Variants in FGD2 observed in about 807,000 individuals in gnomAD.
The protein encoded by FGD2 is FYVE, RhoGEF and PH domain containing 2.
Under a neutral mutation model 75.9 loss-of-function variants are expected in FGD2, and 52 were observed. The ratio of observed to expected loss-of-function variants is 0.69; its 90% CI spans 0.55 to 0.86. The LOEUF (loss-of-function observed/expected upper bound fraction) is 0.86, where lower values mean the gene tolerates loss of function less well. Among genes scored for constraint, FGD2 ranks in the 40% least tolerant of loss-of-function variants. The pLI, the probability that FGD2 is intolerant of heterozygous loss-of-function variation, is 0.00. For synonymous variants in FGD2, 347 were observed against 348.6 expected (o/e 1.00, Z 0.05); for missense variants, 790 against 872.0 (o/e 0.91, Z 1.18).
chr6:37,007,349 G>A lies in FGD2; in HGVS notation c.68+1464G>A, dbSNP rs554309209. Among the ~76,000 whole-genome samples the A allele has an allele frequency of 8.5e-5, 13 of 152,204 alleles. No individual in the cohort carries two copies. In the East Asian group the frequency reaches 1.7e-3, roughly 20 times the overall value. On this transcript the variant is annotated intron_variant, in intron 1 of 15. Transcript: ENST00000274963. ...TGGGTGATTCTCCCCTGCCTCTCCC[G>A]GGATCTTTGCCAAGCTCGTCCTGTT...
At chr6:37,012,298 A>G (rs1490429433) in intron 4 of FGD2, among the ~76,000 whole-genome samples, 7 of 152,260 alleles carry the variant, frequency 4.6e-5, no homozygotes, top group Non-Finnish European at 1.0e-4. Context: ...TGCCTTATAT[A>G]GTTTGCCACG....
At chr6:37,016,339 G>T (rs778953527) in intron 9 of FGD2, among the ~76,000 whole-genome samples, 3 of 152,114 alleles carry the variant, frequency 2.0e-5, no homozygotes, top group Non-Finnish European at 4.4e-5. Context: ...TGCTGATACT[G>T]TAGGAGCACA....
At chr6:37,015,624 C>A in intron 8 of FGD2, 144 bp from the exon 9 acceptor site, 1 of 725,892 alleles carries the variant, frequency 1.4e-6, no homozygotes, top group South Asian at 1.6e-5. Context: ...CCTGTGATGT[C>A]CTGTGAGCAG....
At chr6:37,027,719 C>T in intron 15 of FGD2, 144 bp downstream of exon 15, 1 of 1,197,242 alleles carries the variant, frequency 8.4e-7, no homozygotes, top group Non-Finnish European at 1.2e-6. Context: ...CCTGGAGTCT[C>T]AAGGTTGGTA....
rs748384279 is a variant in FGD2 at position 37,028,145 on chromosome 6, T to G, written c.1950T>G (p.Asp650Glu). The change falls in exon 16 of 16, where the codon GAT becomes GAG. Residue 650 changes from aspartate to glutamate, a missense_variant. Coordinates refer to ENST00000274963, the MANE Select transcript of FGD2 (RefSeq NM_173558.4). ...GCTGGAGCCCCAGCTGGCCCAACGA[T>G]GGGGACCTGTCCGACTGAGCCACTG... is the stretch of plus-strand genomic sequence containing the variant. ...ASGWSPSWPNDGDLSD is the reference protein window; with the variant it reads ...ASGWSPSWPNEGDLSD 1.3e-6 allele frequency: 2 copies of G among 1,598,428 alleles called. No individual in the cohort carries two copies. Among genetic ancestry groups the G allele is most frequent in the Non-Finnish European group, 1.7e-6 (2 of 1,172,726 alleles).
At position 37,028,980 on chromosome 6, in the gene FGD2, A is replaced by G. The variant is rs1005287054; in HGVS notation, c.*817A>G. Reference sequence around the variant, plus strand: ...GGGTTACCTGGGATGAAGAATAAAGAGAGCAAACTACCACAACCAATGGTT... The same window carrying G: ...GGGTTACCTGGGATGAAGAATAAAGGGAGCAAACTACCACAACCAATGGTT... On this transcript the variant is annotated 3_prime_UTR_variant, in exon 16 of 16. Coordinates refer to ENST00000274963, the MANE Select transcript of FGD2 (RefSeq NM_173558.4). 6 of 151,980 alleles carry G rather than the reference A, an allele frequency of 3.9e-5. No homozygotes were observed. Among genetic ancestry groups the G allele is most frequent in the African/African-American group, 1.5e-4 (6 of 41,364 alleles). The allele number at this position is 151,980 out of a possible 1,614,324, so 9.4% of individuals were successfully genotyped here. A position where few individuals can be genotyped will look rare whatever the true frequency, so the allele number is the denominator to read the frequency against.
chr6:37,011,666 C>T, intron 3 of FGD2, 40 bp from the exon 4 acceptor site: 1 of 1,612,690 alleles, frequency 6.2e-7, no homozygotes, highest in South Asian at 1.1e-5. Flanking sequence ...GTGGGTGGCT[C>T]CCTGTCACTG....
chr6:37,016,684 C>T (rs1765316881), intron 9 of FGD2, among the ~76,000 whole-genome samples: 1 of 152,004 alleles, frequency 6.6e-6, no homozygotes, highest in Non-Finnish European at 1.5e-5. Context: ...TAGGCGCGAG[C>T]CCCCATGCCC....
At chr6:37,015,890 C>G in intron 9 of FGD2, 30 bp downstream of exon 9, 1 of 1,545,870 alleles carries the variant, frequency 6.5e-7, no homozygotes, top group Non-Finnish European at 8.8e-7. Context: ...CCACTGGGCT[C>G]CACCTCAAGG....
chr6:37,015,060 C>T (rs1561932450), intron 8 of FGD2, 22 bp downstream of exon 8: 1 of 1,606,008 alleles, frequency 6.2e-7, no homozygotes, highest in Non-Finnish European at 8.5e-7. Flanking sequence ...CTGGGAGCTC[C>T]TCTCCACACT....
At position 37,027,460 on chromosome 6, in the gene FGD2, T is replaced by G. The variant is rs760260697; in HGVS notation, c.1637T>G (p.Leu546Arg). The change falls in exon 15 of 16, where the codon CTG (leucine) becomes CGG (arginine). Residue 546 changes from leucine (L) to arginine (R), a missense_variant. By Grantham distance (102) the Leu-to-Arg change is moderately radical (BLOSUM62 -2). Transcript: ENST00000274963. ...KGSSATPDQSLMCSFLQLIGD... is the reference protein window; with the variant it reads ...KGSSATPDQSRMCSFLQLIGD... ...TCCTCAGCCACGCCTGACCAGAGCC[T>G]GATGTGCAGCTTCCTGCAGCTCATC... is the stretch of plus-strand genomic sequence containing the variant. The G allele has an allele frequency of 6.2e-7, 1 of 1,613,642 alleles. No homozygotes were observed. The highest frequency in any genetic ancestry group is 1.1e-5 in the South Asian group (1 of 91,044).
chr6:37,024,312 C>T (rs188380513), intron 13 of FGD2: 1 of 152,168 alleles, frequency 6.6e-6, no homozygotes, highest in Non-Finnish European at 1.5e-5. Context: ...TGTACTCCAG[C>T]CCAGGCAACA....
chr6:37,027,826 A>C, intron 15 of FGD2, 122 bp from the exon 16 acceptor site: 1 of 1,201,556 alleles, frequency 8.3e-7, no homozygotes, highest in South Asian at 1.5e-5. Context: ...TCACCAGCCC[A>C]CCCCCAACCC....
chr6:37,020,276 T>C (rs1295520135), intron 9 of FGD2, among the ~76,000 whole-genome samples: 1 of 152,224 alleles, frequency 6.6e-6, no homozygotes, highest in Non-Finnish European at 1.5e-5. Flanking sequence ...TTGTCAAAAA[T>C]TGTCATCTCC....
Position 37,020,545 on chromosome 6 carries a change from G to C in FGD2, c.1127G>C (p.Arg376Pro). 2 of 1,605,504 alleles carry C rather than the reference G, an allele frequency of 1.2e-6. No homozygotes were observed. Among genetic ancestry groups the C allele is most frequent in the Non-Finnish European group, 1.7e-6 (2 of 1,177,142 alleles). Residue 376 changes from arginine to proline, a missense_variant, in exon 10 of 16, where the codon CGG becomes CCG. Arg to Pro is a moderately radical substitution (Grantham distance 103, BLOSUM62 -2). Transcript: ENST00000274963. ...TRIDVAGMKV[R>P]ELMDAEFPHS... The stretch of plus-strand genomic sequence containing the variant: ...TTGCCTCCCTCCTCTTGGCAGGTGC[G>C]GGAGCTGATGGATGCTGAGTTTCCC...
At chr6:37,024,017 G>T (rs1351064612) in intron 13 of FGD2, 1 of 152,176 alleles carries the variant, frequency 6.6e-6, no homozygotes, top group Non-Finnish European at 1.5e-5. Context: ...ACCATTGGGA[G>T]AAATTTGATG....
rs1403668349 is a variant in FGD2, at chr6:37,013,947, C to G, written c.685-15C>G. Reference sequence around the variant, plus strand: ...CTCTCACCCTCTCCGTGTTGCTCCCCCATCCCTCCCCAAGAGCAGCGAGGC... The same window carrying G: ...CTCTCACCCTCTCCGTGTTGCTCCCGCATCCCTCCCCAAGAGCAGCGAGGC... On this transcript the variant is annotated splice_polypyrimidine_tract_variant and intron_variant, in intron 5 of 15. Coordinates refer to ENST00000274963, the MANE Select transcript of FGD2 (RefSeq NM_173558.4). 8.1e-6 allele frequency: 13 copies of G among 1,611,522 alleles called. No individual in the cohort carries two copies. Among genetic ancestry groups the G allele is most frequent in the Non-Finnish European group, 1.1e-5 (13 of 1,178,472 alleles).
At chr6:37,018,357 G>C (rs948959015) in intron 9 of FGD2, among the ~76,000 whole-genome samples, 2 of 152,160 alleles carry the variant, frequency 1.3e-5, no homozygotes, top group African/African-American at 2.4e-5. Context: ...TCTCCTGGAC[G>C]GCATGGGCTT....
chr6:37,011,915 G>A lies in FGD2; in HGVS notation c.527+61G>A. 3 of 1,575,878 alleles carry A rather than the reference G, an allele frequency of 1.9e-6. No individual in the cohort carries two copies. In the South Asian group the frequency reaches 3.5e-5, roughly 18 times the overall value. On this transcript the variant is annotated intron_variant, in intron 4 of 15. Coordinates refer to ENST00000274963, the MANE Select transcript of FGD2 (RefSeq NM_173558.4). The stretch of plus-strand genomic sequence containing the variant: ...ACAGCCCTGGCCAGGTGGAGGTGGG[G>A]AGACCCCAGGGCGCTAGGTTCAGCC...
Sources: allele counts gnomAD v4.1 joint callset (sites outside exome capture counted in the v4.1 genomes callset), GRCh38; gene constraint gnomAD v4.1.1; transcripts MANE v1.5; gene names NCBI Gene and HGNC (gene_info 2026-07-23, HGNC 2026-07-21).